NTM: variants seen among roughly 807,000 people sequenced by gnomAD.
NTM encodes neurotrimin, also known as IgLON family member 2.
Under a neutral mutation model 42.1 loss-of-function variants are expected in NTM, and 13 were observed. The observed-to-expected ratio is 0.31, with a 90% CI of 0.20 to 0.49. NTM has a LOEUF of 0.49. Ranked by LOEUF, NTM falls within the 20% of genes least tolerant of loss-of-function variation. The pLI is 0.99. For missense variants in NTM, 373 were observed against 452.8 expected, an observed-to-expected ratio of 0.82 and a Z score of 1.60; for synonymous variants, 187 against 179.2, an observed-to-expected ratio of 1.04 and a Z score of -0.35.
At chr11:132,187,372 G>C (rs927649066) in intron 3 of NTM, among the ~76,000 whole-genome samples, 4 of 152,096 alleles carry the variant, frequency 2.6e-5, no homozygotes, top group African/African-American at 9.7e-5. Flanking sequence ...TTCTGTTTTA[G>C]TTAGCACCAA....
chr11:131,478,297 C>A (rs909958432), intron 1 of NTM, among the ~76,000 whole-genome samples: 1 of 152,122 alleles, frequency 6.6e-6, no homozygotes, highest in African/African-American at 2.4e-5. Flanking sequence ...CTCTTTGTTA[C>A]GTGGCTACTT....
intron 1 of NTM, among the ~76,000 whole-genome samples, chr11:131,547,693 C>A (rs749724779): frequency 3.9e-5 from 6 of 152,150 alleles, no homozygotes; most frequent in Non-Finnish European, 8.8e-5. Context: ...GAGTTCTTTT[C>A]TAAGATGGAG....
intron 1 of NTM, among the ~76,000 whole-genome samples, chr11:131,526,164 T>A (rs405479): frequency 0.21 from 32,560 of 152,162 alleles, 3,741 homozygotes; most frequent in African/African-American, 0.3. Flanking sequence ...GAGCCCAAGG[T>A]GTGAGTTAGC....
At chr11:131,627,248 G>C (rs2063210745) in intron 1 of NTM, among the ~76,000 whole-genome samples, 1 of 151,496 alleles carries the variant, frequency 6.6e-6, no homozygotes, top group South Asian at 2.1e-4. Flanking sequence ...GGGTTTGGGG[G>C]TATGGGGAAG....
At chr11:131,370,950 G>A (rs895195502) in intron 1 of NTM, 62 bp downstream of exon 1, 9 of 1,600,948 alleles carry the variant, frequency 5.6e-6, no homozygotes, top group Admixed American at 3.5e-5. Context: ...TGCTTTATAA[G>A]ATTTGCAGAC....
chr11:132,108,923 C>CTCATA (rs2062790533), intron 2 of NTM, among the ~76,000 whole-genome samples: 1 of 152,088 alleles, frequency 6.6e-6, no homozygotes, highest in Non-Finnish European at 1.5e-5. Flanking sequence ...TCTCATTGTT[C>CTCATA]AACTCCCACT....
intron 1 of NTM, among the ~76,000 whole-genome samples, chr11:131,405,687 T>C (rs1270003690): frequency 6.6e-6 from 1 of 152,184 alleles, no homozygotes; most frequent in Non-Finnish European, 1.5e-5. Flanking sequence ...GTAACCTACA[T>C]ACTTTCCAAG....
intron 1 of NTM, among the ~76,000 whole-genome samples, chr11:131,631,763 A>G (rs1030927412): frequency 2.6e-5 from 4 of 152,146 alleles, no homozygotes; most frequent in Admixed American, 2.6e-4. Context: ...GCATTCTTGT[A>G]TATTTCAGAA....
chr11:131,693,616 A>G (rs538231444), intron 1 of NTM, among the ~76,000 whole-genome samples: 60 of 152,252 alleles, frequency 3.9e-4, no homozygotes, highest in African/African-American at 1.4e-3. Context: ...TCTGTTGCTG[A>G]GCACCGTTTA....
At chr11:131,777,415 C>G (rs1306241746) in intron 1 of NTM, among the ~76,000 whole-genome samples, 6 of 151,188 alleles carry the variant, frequency 4.0e-5, no homozygotes, top group Non-Finnish European at 2.9e-5. Flanking sequence ...GTGTTTCTCT[C>G]CCAATTTTTA....
intron 1 of NTM, among the ~76,000 whole-genome samples, chr11:131,719,139 G>A (rs1203106756): frequency 6.6e-6 from 1 of 152,074 alleles, no homozygotes; most frequent in Non-Finnish European, 1.5e-5. Context: ...CAAGCTCCTG[G>A]ACTCCAGCTA....
At chr11:131,808,716 C>T (rs1318588099) in intron 1 of NTM, among the ~76,000 whole-genome samples, 4 of 151,952 alleles carry the variant, frequency 2.6e-5, no homozygotes, top group African/African-American at 9.7e-5. Flanking sequence ...GGAGACAGCA[C>T]GTGCAAAGCT....
chr11:131,751,307 C>T (rs2082478993), intron 1 of NTM, among the ~76,000 whole-genome samples: 1 of 151,882 alleles, frequency 6.6e-6, no homozygotes, highest in Non-Finnish European at 1.5e-5. Flanking sequence ...AATAAAAAGG[C>T]TGGGCACGGT....
chr11:131,790,317 A>G (rs1218388401), intron 1 of NTM, among the ~76,000 whole-genome samples: 1 of 152,170 alleles, frequency 6.6e-6, no homozygotes, highest in Non-Finnish European at 1.5e-5. Context: ...GCCATTTTGC[A>G]CGTGTTTTAT....
At position 132,318,405 on chromosome 11, in the gene NTM, CTG is replaced by C. The variant is rs913734972; in HGVS notation, c.934+3703_934+3704del. The stretch of plus-strand genomic sequence containing the variant: ...TGCATGTTGAATCTCCAGGCATAAA[CTG>C]AAAGACAAGGATGCCCCTCAGTGGA... On this transcript the variant is annotated intron_variant, in intron 7 of 8. Coordinates refer to ENST00000683400, the MANE Select transcript of NTM (RefSeq NM_001352005.2). 1.4e-3 allele frequency among the ~76,000 whole-genome samples: 210 copies of C among 152,290 alleles called. 2 individuals are homozygous for C. The highest frequency in any genetic ancestry group is 4.7e-3 in the African/African-American group (194 of 41,568).
chr11:131,984,047 GAA>G (rs1216389365), intron 2 of NTM, among the ~76,000 whole-genome samples: 3 of 152,190 alleles, frequency 2.0e-5, no homozygotes, highest in African/African-American at 7.2e-5. Context: ...TTAATGCCAA[GAA>G]AAAATAGACA....
intron 1 of NTM, among the ~76,000 whole-genome samples, chr11:131,822,369 T>C (rs2093225226): frequency 6.6e-6 from 1 of 152,188 alleles, no homozygotes; most frequent in East Asian, 1.9e-4. Flanking sequence ...AATAGAATTG[T>C]TAAAAACAAC....
At chr11:131,511,916 C>T (rs1269453312) in intron 1 of NTM, among the ~76,000 whole-genome samples, 3 of 152,160 alleles carry the variant, frequency 2.0e-5, no homozygotes, top group African/African-American at 7.2e-5. Context: ...CTGTCCACAC[C>T]TGGGATGGCA....
At position 132,295,614 on chromosome 11, in the gene NTM, G is replaced by T. The variant is rs148376323; in HGVS notation, c.527-12075G>T. 1.6e-3 allele frequency among the ~76,000 whole-genome samples: 247 copies of T among 152,340 alleles called. 1 individual carries two copies. Among genetic ancestry groups the T allele is most frequent in the African/African-American group, 5.8e-3 (240 of 41,578 alleles). On this transcript the variant is annotated intron_variant, in intron 4 of 8. Coordinates refer to ENST00000683400, the MANE Select transcript of NTM (RefSeq NM_001352005.2). ...AGTTTTGAAGGCTGCATAGACATTT[G>T]AAGGTGGACAAAAGAGAAGACAAAC... is the stretch of plus-strand genomic sequence containing the variant.
Sources: allele counts gnomAD v4.1 joint callset (sites outside exome capture counted in the v4.1 genomes callset), GRCh38; gene constraint gnomAD v4.1.1; transcripts MANE v1.5; gene names NCBI Gene and HGNC (gene_info 2026-07-23, HGNC 2026-07-21).